Variants in CACNA2D3 observed in about 807,000 individuals in gnomAD.
CACNA2D3 encodes the protein voltage-dependent calcium channel subunit alpha-2/delta-3.
A neutral mutation model predicts 160.6 loss-of-function variants in CACNA2D3; 60 were observed. The observed-to-expected ratio is 0.37, with a 90% CI of 0.30 to 0.46. The LOEUF is 0.46. Among genes scored for constraint, CACNA2D3 ranks in the 20% least tolerant of loss-of-function variants. The pLI, the probability that CACNA2D3 is intolerant of heterozygous loss-of-function variation, is 1.00. For synonymous variants in CACNA2D3, 558 were observed against 492.9 expected (o/e 1.13, Z -1.75); for missense variants, 1,205 against 1,365.0 (o/e 0.88, Z 1.85).
intron 4 of CACNA2D3, among the ~76,000 whole-genome samples, chr3:54,423,087 G>A (rs1699862604): frequency 6.6e-6 from 1 of 152,134 alleles, no homozygotes; most frequent in African/African-American, 2.4e-5. Context: ...ATGATATAAT[G>A]CAAGTTAAAA....
chr3:54,646,407 C>G (rs115943270), intron 11 of CACNA2D3, among the ~76,000 whole-genome samples: 1 of 47,642 alleles, frequency 2.1e-5, no homozygotes, highest in Non-Finnish European at 1.0e-4. Context: ...TGCTCTCTCA[C>G]CCCACAAAGG....
chr3:54,710,396 GTTCTAT>G (rs1700932712), intron 11 of CACNA2D3, among the ~76,000 whole-genome samples: 2 of 152,240 alleles, frequency 1.3e-5, no homozygotes, highest in Admixed American at 1.3e-4. Context: ...AGATTGAATA[GTTCTAT>G]TGGGATTTGA....
chr3:54,416,281 T>G (rs1233537496), intron 4 of CACNA2D3, among the ~76,000 whole-genome samples: 1 of 152,232 alleles, frequency 6.6e-6, no homozygotes, highest in African/African-American at 2.4e-5. Context: ...TGCAGTGGAT[T>G]GGCAGCTACC....
At chr3:54,460,079 G>A (rs1402115897) in intron 4 of CACNA2D3, among the ~76,000 whole-genome samples, 1 of 151,794 alleles carries the variant, frequency 6.6e-6, no homozygotes, top group Admixed American at 6.6e-5. Flanking sequence ...AGATCAGATA[G>A]TTGTAGATAT....
intron 13 of CACNA2D3, among the ~76,000 whole-genome samples, chr3:54,809,311 C>CTTTCTTTTTTT (rs1703225811): frequency 2.5e-5 from 2 of 80,734 alleles, no homozygotes; most frequent in South Asian, 4.5e-4. Flanking sequence ...TTCCTTCTTT[C>CTTTCTTTTTTT]TTTTTTTTTT....
At chr3:54,772,286 C>G (rs1487820649) in intron 13 of CACNA2D3, among the ~76,000 whole-genome samples, 1 of 151,208 alleles carries the variant, frequency 6.6e-6, no homozygotes, top group Non-Finnish European at 1.5e-5. Flanking sequence ...GCTGAAAACC[C>G]AGCAGCAGTA....
At chr3:54,518,952 G>C (rs1027488015) in intron 5 of CACNA2D3, among the ~76,000 whole-genome samples, 2 of 36,090 alleles carry the variant, frequency 5.5e-5, no homozygotes, top group Admixed American at 6.8e-4. Flanking sequence ...GAGAAATTGA[G>C]GGGGGAGAAA....
intron 13 of CACNA2D3, among the ~76,000 whole-genome samples, chr3:54,805,300 A>G (rs1360896761): frequency 3.3e-5 from 5 of 152,138 alleles, no homozygotes; most frequent in African/African-American, 4.8e-5. Context: ...TTGATAGACC[A>G]CTAGCAAGAC....
chr3:54,306,327 AT>A (rs1703600091), intron 2 of CACNA2D3, among the ~76,000 whole-genome samples: 2 of 132,756 alleles, frequency 1.5e-5, no homozygotes, highest in South Asian at 5.2e-4. Flanking sequence ...GTGTGTGTAT[AT>A]GAGAGAGAGA....
At chr3:55,045,685 G>T (rs917638044) in intron 35 of CACNA2D3, among the ~76,000 whole-genome samples, 1 of 152,034 alleles carries the variant, frequency 6.6e-6, no homozygotes. Flanking sequence ...GCATTGTTTT[G>T]ATTGTTTTGT....
Position 54,122,878 on chromosome 3 carries a change from G to T in CACNA2D3, c.122+43G>T, listed in dbSNP as rs527666868. On this transcript the variant is annotated intron_variant, in intron 1 of 37. Coordinates refer to ENST00000474759, the MANE Select transcript of CACNA2D3 (RefSeq NM_018398.3). ...CGCCGCCCGGGGAGGGGACCTTGCC[G>T]CCTGCGACCCACTGTGCCCAAGTTT... is the stretch of plus-strand genomic sequence containing the variant. 6,250 of 1,211,132 alleles carry T rather than the reference G, an allele frequency of 5.2e-3. 25 individuals are homozygous for T. The highest frequency in any genetic ancestry group is 6.0e-3 in the Non-Finnish European group (5,854 of 971,146). 75.0% of individuals were successfully genotyped at this position (1,211,132 alleles called of 1,614,324 possible).
chr3:54,224,275 T>G lies in CACNA2D3; in HGVS notation c.205-96167T>G, dbSNP rs549094964. ...GACGTGCCTGAAGATGTTTTCCATTTAACTTTTTTTTTTAATGAAGTAGAA... is the reference window on the plus strand; with the variant it reads ...GACGTGCCTGAAGATGTTTTCCATTGAACTTTTTTTTTTAATGAAGTAGAA... On this transcript the variant is annotated intron_variant, in intron 2 of 37. Coordinates refer to ENST00000474759, the MANE Select transcript of CACNA2D3 (RefSeq NM_018398.3). Among the ~76,000 whole-genome samples the G allele has an allele frequency of 4.9e-5, 7 of 141,924 alleles. No homozygotes were observed. In the East Asian group the frequency reaches 1.4e-3, roughly 29 times the overall value. The allele number at this position is 141,924 out of a possible 152,430, so 93.1% of individuals were successfully genotyped here. A position where few individuals can be genotyped will look rare whatever the true frequency, so the allele number is the denominator to read the frequency against.
At chr3:54,513,732 G>A (rs896633969) in intron 5 of CACNA2D3, among the ~76,000 whole-genome samples, 7 of 152,152 alleles carry the variant, frequency 4.6e-5, no homozygotes, top group African/African-American at 1.4e-4. Context: ...CCAGGCTGGA[G>A]TGCAGTGGTG....
chr3:54,219,431 T>A (rs1412119618), intron 2 of CACNA2D3, among the ~76,000 whole-genome samples: 1 of 152,158 alleles, frequency 6.6e-6, no homozygotes, highest in Non-Finnish European at 1.5e-5. Context: ...GGGACTGCCA[T>A]CTCATGTTTG....
chr3:55,023,160 T>C (rs952566427), intron 35 of CACNA2D3, among the ~76,000 whole-genome samples: 1 of 152,138 alleles, frequency 6.6e-6, no homozygotes, highest in African/African-American at 2.4e-5. Context: ...TTGAAGATAT[T>C]CCATTGTCTT....
chr3:54,613,265 A>G (rs1019087675), intron 9 of CACNA2D3, among the ~76,000 whole-genome samples: 3 of 152,252 alleles, frequency 2.0e-5, no homozygotes, highest in African/African-American at 7.2e-5. Context: ...TCCAACAGTG[A>G]ATTCAAAAAA....
rs2107239293 is a variant in CACNA2D3, at chr3:55,074,496, G to A, written c.*290G>A. ...GTGGTAGGCAGTGTCCCTTCTGCTT[G>A]AAACCTATTGAAACCAATTTAAAAC... On this transcript the variant is annotated 3_prime_UTR_variant, in exon 38 of 38. Transcript: ENST00000474759. 2.8e-6 allele frequency: 1 copy of A among 351,400 alleles called. No homozygotes were observed. The highest frequency in any genetic ancestry group is 4.5e-5 in the South Asian group (1 of 22,186). The allele number at this position is 351,400 out of a possible 1,614,324, so 21.8% of individuals were successfully genotyped here. A position where few individuals can be genotyped will look rare whatever the true frequency, so the allele number is the denominator to read the frequency against.
intron 2 of CACNA2D3, among the ~76,000 whole-genome samples, chr3:54,254,211 G>C (rs2107429425): frequency 6.6e-6 from 1 of 152,320 alleles, no homozygotes; most frequent in South Asian, 2.1e-4. Context: ...TCTCCCATCA[G>C]ATGGCAGCTT....
chr3:54,807,018 T>A (rs1371465109), intron 13 of CACNA2D3, among the ~76,000 whole-genome samples: 1 of 152,224 alleles, frequency 6.6e-6, no homozygotes, highest in East Asian at 1.9e-4. Context: ...AAGCTGAAAC[T>A]GGATCCCTTC....
Sources: allele counts gnomAD v4.1 joint callset (sites outside exome capture counted in the v4.1 genomes callset), GRCh38; gene constraint gnomAD v4.1.1; transcripts MANE v1.5; gene names NCBI Gene and HGNC (gene_info 2026-07-23, HGNC 2026-07-21).